Variants in ENTPD5 observed in about 807,000 individuals in gnomAD.
ENTPD5 encodes nucleoside diphosphate phosphatase ENTPD5.
ENTPD5 carries 49 observed loss-of-function variants against 60.2 expected under a neutral mutation model. That is an observed-to-expected ratio of 0.81 (90% confidence interval 0.65 to 1.03). The LOEUF is 1.03. Ranked by LOEUF, ENTPD5 falls within the 50% of genes least tolerant of loss-of-function variation. The probability of loss-of-function intolerance (pLI) is 0.00; values close to 1 mark genes in which losing one functional copy is unlikely to be tolerated. For missense variants in ENTPD5, 480 were observed against 507.6 expected, an observed-to-expected ratio of 0.95 and a Z score of 0.52; for synonymous variants, 187 against 185.4, an observed-to-expected ratio of 1.01 and a Z score of -0.07.
chr14:74,018,515 G>T (rs1322638342), intron 1 of ENTPD5: 1 of 152,230 alleles, frequency 6.6e-6, no homozygotes, highest in South Asian at 2.1e-4. Context: ...TGAAAAATGA[G>T]AATACTTGTG....
intron 3 of ENTPD5, among the ~76,000 whole-genome samples, chr14:73,993,979 A>G (rs1168244760): frequency 6.6e-6 from 1 of 152,086 alleles, no homozygotes; most frequent in Non-Finnish European, 1.5e-5. Context: ...TCAGTGTAAA[A>G]CCAAACAATA....
At chr14:73,958,469 A>ATG, downstream of ENTPD5, 1 of 1,442,582 alleles carries the variant, frequency 6.9e-7, no homozygotes, top group Non-Finnish European at 9.1e-7. Context: ...GAGCAATCTC[A>ATG]TGGGCCGTCT....
chr14:73,997,537 A>T (rs2058375871), intron 3 of ENTPD5, among the ~76,000 whole-genome samples: 1 of 152,170 alleles, frequency 6.6e-6, no homozygotes, highest in African/African-American at 2.4e-5. Flanking sequence ...CAAGTTTAAA[A>T]TGTAACTAGA....
At chr14:73,991,625 A>AAAAAT (rs56259684) in intron 3 of ENTPD5, among the ~76,000 whole-genome samples, 1 of 128,046 alleles carries the variant, frequency 7.8e-6, no homozygotes, top group Non-Finnish European at 1.6e-5. Context: ...AAAAAAAAAA[A>AAAAAT]ACAATTAGGG....
At chr14:73,967,085 G>A (rs1053133961) in intron 15 of ENTPD5, 71 bp from the exon 16 acceptor site, 11 of 1,303,306 alleles carry the variant, frequency 8.4e-6, no homozygotes, top group Non-Finnish European at 1.2e-5. Context: ...CTCTTGGGCA[G>A]AAAATATTGG....
Position 73,988,022 on chromosome 14 carries a change from CT to C in ENTPD5, c.80del (p.Gln27ArgfsTer52). ...ACAGGAAGATACCCTCAAACCAAGT[CT>C]GCTGGTTCCTGTGGGAGACAGCGCT... ...VCSAVSHRNQ[Q>X]TWFEGIFLSS... On this transcript the variant is annotated frameshift_variant, in exon 4 of 16. Transcript: ENST00000334696. LOFTEE classifies it high-confidence loss of function. 6.2e-7 allele frequency: 1 copy of C among 1,614,152 alleles called. No homozygotes were observed. The highest frequency in any genetic ancestry group is 8.5e-7 in the Non-Finnish European group (1 of 1,180,034).
In ENTPD5 at chr14:73,977,013, G is replaced by T. The variant is rs1382334100; in HGVS notation, c.553+11C>A. 6.2e-7 allele frequency: 1 copy of T among 1,607,240 alleles called. No homozygotes were observed. ...AGTTAAGCTCTAAAGATAAACTTGA[G>T]GATGTATTACCTGTCAGAAAATTCA... is the stretch of plus-strand genomic sequence containing the variant. On this transcript the variant is annotated intron_variant, in intron 8 of 15. Transcript: ENST00000334696.
At chr14:73,994,550 T>C (rs2058266103) in intron 3 of ENTPD5, among the ~76,000 whole-genome samples, 1 of 151,828 alleles carries the variant, frequency 6.6e-6, no homozygotes, top group Admixed American at 6.6e-5. Flanking sequence ...CTGGTCAACA[T>C]GGTGACACCC....
intron 3 of ENTPD5, among the ~76,000 whole-genome samples, chr14:74,009,611 A>T (rs2058782604): frequency 6.6e-6 from 1 of 152,112 alleles, no homozygotes; most frequent in South Asian, 2.1e-4. Flanking sequence ...TACCAAAAAA[A>T]CTTGGGGTTT....
Position 73,966,757 on chromosome 14 carries a change from G to A in ENTPD5, c.*171C>T. 1.7e-6 allele frequency: 1 copy of A among 577,412 alleles called. No individual in the cohort carries two copies. Among genetic ancestry groups the A allele is most frequent in the Non-Finnish European group, 3.1e-6 (1 of 326,016 alleles). 35.8% of individuals were successfully genotyped at this position (577,412 alleles called of 1,614,324 possible). Reference sequence around the variant, plus strand: ...TCTCTGTGATGCTCTGGTGCCAGCTGTGTACTCTTGAGTGGTTAGGCAGCA... The same window carrying A: ...TCTCTGTGATGCTCTGGTGCCAGCTATGTACTCTTGAGTGGTTAGGCAGCA... On this transcript the variant is annotated 3_prime_UTR_variant, in exon 16 of 16. Transcript: ENST00000334696.
intron 11 of ENTPD5, among the ~76,000 whole-genome samples, chr14:73,974,594 C>T (rs2057359577): frequency 6.6e-6 from 1 of 152,176 alleles, no homozygotes. Context: ...CTTCCTGTGC[C>T]TCCAATGTAA....
At chr14:73,961,578 T>A, downstream of ENTPD5, 1 of 1,613,912 alleles carries the variant, frequency 6.2e-7, no homozygotes, top group Non-Finnish European at 8.5e-7. Flanking sequence ...TAGGTAAGGA[T>A]TCAGATACTA....
downstream of ENTPD5, chr14:73,958,114 C>G (rs2056530576): frequency 6.3e-7 from 1 of 1,587,086 alleles, no homozygotes; most frequent in Non-Finnish European, 8.7e-7. Context: ...GCCCACCTTT[C>G]TAATTTTTTT....
At chr14:74,016,377 C>T (rs1669829033) in intron 1 of ENTPD5, among the ~76,000 whole-genome samples, 1 of 152,212 alleles carries the variant, frequency 6.6e-6, no homozygotes, top group African/African-American at 2.4e-5. Context: ...CGACTCATGC[C>T]TGTAATCCCA....
At chr14:73,976,070 G>A (rs1252891810) in intron 9 of ENTPD5, 55 bp from the exon 10 acceptor site, 20 of 1,408,152 alleles carry the variant, frequency 1.4e-5, no homozygotes, top group African/African-American at 2.8e-5. Context: ...ACCTGAAGAT[G>A]TTCACACCAC....
downstream of ENTPD5, chr14:73,962,935 G>T: frequency 6.5e-7 from 1 of 1,538,210 alleles, no homozygotes; most frequent in Non-Finnish European, 9.0e-7. Flanking sequence ...ACCTTACTGT[G>T]TTAAGAGTTT....
downstream of ENTPD5, chr14:73,960,585 G>C: frequency 4.8e-6 from 5 of 1,036,764 alleles, no homozygotes; most frequent in Non-Finnish European, 5.8e-6. Flanking sequence ...GTCCTCTGCA[G>C]TGCAGTCATT....
chr14:73,973,941 C>A lies in ENTPD5; in HGVS notation c.822G>T (p.Pro274=). The A allele has an allele frequency of 6.2e-7, 1 of 1,614,080 alleles. No homozygotes were observed. The highest frequency in any genetic ancestry group is 8.5e-7 in the Non-Finnish European group (1 of 1,180,014). Residue 274 remains proline, a synonymous_variant, in exon 12 of 16, where the codon CCG becomes CCT. Transcript: ENST00000334696. ...DGHTFRSACL[P]RWLEAEWIFG... is the part of the protein sequence containing the mutation. ...AGATCCACTCTGCTTCCAACCATCTCGGTAAACAGGCACTCCGGAAAGTGT... is the reference window on the plus strand; with the variant it reads ...AGATCCACTCTGCTTCCAACCATCTAGGTAAACAGGCACTCCGGAAAGTGT...
At chr14:73,995,374 G>GT (rs1477345095) in intron 3 of ENTPD5, among the ~76,000 whole-genome samples, 1 of 151,906 alleles carries the variant, frequency 6.6e-6, no homozygotes, top group Non-Finnish European at 1.5e-5. Flanking sequence ...TATCTGTTTT[G>GT]TTTTTTATGT....
Sources: gnomAD v4.1 joint callset for allele counts (sites outside exome capture counted in the v4.1 genomes callset) on GRCh38, gnomAD v4.1.1 for gene constraint, MANE v1.5 for transcripts, NCBI Gene and HGNC (gene_info 2026-07-23, HGNC 2026-07-21) for gene names.